Variants in VPS53 observed in about 807,000 individuals in gnomAD.
The protein encoded by VPS53 is VPS53 subunit of GARP complex, also known as vacuolar protein sorting-associated protein 53 homolog.
In VPS53, 70 loss-of-function variants were observed where a neutral mutation model predicts 107.0. The observed-to-expected ratio is 0.65, with a 90% confidence interval of 0.54 to 0.80. VPS53 has a LOEUF of 0.80. Ranked by LOEUF, VPS53 falls within the 30% of genes least tolerant of loss-of-function variation. The pLI is 0.00. For missense variants in VPS53, 917 were observed against 1,049.4 expected (o/e 0.87, Z 1.74); for synonymous variants, 409 against 393.3 (o/e 1.04, Z -0.47).
At chr17:670,955 G>T (rs1971910751) in intron 4 of VPS53, among the ~76,000 whole-genome samples, 4 of 152,164 alleles carry the variant, frequency 2.6e-5, no homozygotes, top group Admixed American at 2.6e-4. Flanking sequence ...GCTGGGCCAG[G>T]TGCAGTGGCT....
At chr17:553,315 G>T in intron 16 of VPS53, 65 bp downstream of exon 16, 3 of 1,482,506 alleles carry the variant, frequency 2.0e-6, no homozygotes, top group Non-Finnish European at 2.8e-6. Context: ...GGGTACATAC[G>T]TGCTGCACGC....
chr17:706,882 T>C (rs1199001747), intron 2 of VPS53, among the ~76,000 whole-genome samples: 1 of 152,178 alleles, frequency 6.6e-6, no homozygotes, highest in Non-Finnish European at 1.5e-5. Flanking sequence ...AGTGATCTAC[T>C]GCGTGAGTCT....
At chr17:697,710 C>T (rs1388983162) in intron 3 of VPS53, among the ~76,000 whole-genome samples, 2 of 151,946 alleles carry the variant, frequency 1.3e-5, no homozygotes, top group Non-Finnish European at 2.9e-5. Context: ...TTAAAAATGC[C>T]TATTTTCACT....
At chr17:526,218 T>C (rs1207017942) in intron 19 of VPS53, among the ~76,000 whole-genome samples, 1 of 151,922 alleles carries the variant, frequency 6.6e-6, no homozygotes, top group African/African-American at 2.4e-5. Flanking sequence ...CATTCATTTG[T>C]TGGTAGGAAA....
Position 508,721 on chromosome 17 carries a change from G to A in VPS53, c.*10407C>T, listed in dbSNP as rs910206325. On this transcript the variant is annotated 3_prime_UTR_variant, in exon 22 of 22. Transcript: ENST00000437048. ...AGCCTCTACCATTGCAAGAAGAGCT[G>A]TTTAAAACAAAACAAAATGGATACT... 1.7e-4 allele frequency: 26 copies of A among 152,214 alleles called. No individual in the cohort carries two copies. Among genetic ancestry groups the A allele is most frequent in the Admixed American group, 5.2e-4 (8 of 15,280 alleles). The allele number at this position is 152,214 out of a possible 1,614,324, so 9.4% of individuals were successfully genotyped here. A position where few individuals can be genotyped will look rare whatever the true frequency, so the allele number is the denominator to read the frequency against.
intron 4 of VPS53, among the ~76,000 whole-genome samples, chr17:694,344 C>T (rs1378644316): frequency 1.3e-5 from 2 of 152,138 alleles, no homozygotes; most frequent in African/African-American, 2.4e-5. Flanking sequence ...TGCAGACTGT[C>T]GAATTCTGGG....
chr17:606,297 C>T (rs145144327), intron 11 of VPS53, among the ~76,000 whole-genome samples: 5 of 152,242 alleles, frequency 3.3e-5, no homozygotes, highest in African/African-American at 1.2e-4. Context: ...GGCAAGGGCA[C>T]AGGCTCCGTA....
intron 4 of VPS53, among the ~76,000 whole-genome samples, chr17:692,711 A>T (rs1407527206): frequency 6.6e-6 from 1 of 152,242 alleles, no homozygotes; most frequent in African/African-American, 2.4e-5. Flanking sequence ...ACAGATATAG[A>T]AGCACACCTA....
chr17:555,119 A>G (rs926583377), intron 15 of VPS53, among the ~76,000 whole-genome samples: 5 of 152,222 alleles, frequency 3.3e-5, no homozygotes, highest in African/African-American at 1.2e-4. Context: ...GCCTCTTCCT[A>G]TGACACCGAA....
intron 4 of VPS53, among the ~76,000 whole-genome samples, chr17:677,373 C>T (rs565855769): frequency 6.6e-6 from 1 of 152,236 alleles, no homozygotes; most frequent in African/African-American, 2.4e-5. Context: ...TAGAATTCCA[C>T]TTATATTAAT....
chr17:558,030 T>C (rs1183390376), intron 15 of VPS53, among the ~76,000 whole-genome samples: 1 of 152,074 alleles, frequency 6.6e-6, no homozygotes, highest in Non-Finnish European at 1.5e-5. Flanking sequence ...CAACTAACTT[T>C]TAAATTTTTT....
rs1567701482 is a variant in VPS53, at chr17:643,280, TGGAAAGTGAGGACAACACTCATACTG to T, written c.608+9985_608+10010del. On this transcript the variant is annotated intron_variant, in intron 7 of 21. Coordinates refer to ENST00000437048, the MANE Select transcript of VPS53 (RefSeq NM_001128159.3). ...GGAAAGTGAGGACAACACTCATACT[TGGAAAGTGAGGACAACACTCATACTG>T]GGAAACCGAGGACAACACTCATACT... Among the ~76,000 whole-genome samples, 67 of 40,674 alleles carry T rather than the reference TGGAAAGTGAGGACAACACTCATACTG, an allele frequency of 1.6e-3. 1 individual carries two copies. Among genetic ancestry groups the T allele is most frequent in the East Asian group, 6.7e-3 (4 of 594 alleles). The allele number at this position is 40,674 out of a possible 152,430, so 26.7% of individuals were successfully genotyped here.
chr17:659,965 G>A (rs1971378127), intron 5 of VPS53, among the ~76,000 whole-genome samples: 1 of 152,144 alleles, frequency 6.6e-6, no homozygotes, highest in African/African-American at 2.4e-5. Context: ...GGCACACCAG[G>A]GGTACTCAGG....
At chr17:636,373 T>G (rs898906195) in intron 7 of VPS53, among the ~76,000 whole-genome samples, 15 of 152,226 alleles carry the variant, frequency 9.9e-5, no homozygotes, top group African/African-American at 3.1e-4. Context: ...CAGGGACAAT[T>G]TGACTTCCTC....
chr17:682,727 T>G (rs544480393), intron 4 of VPS53, among the ~76,000 whole-genome samples: 1 of 152,094 alleles, frequency 6.6e-6, no homozygotes, highest in Non-Finnish European at 1.5e-5. Context: ...AATAAAAAAT[T>G]TTAAGACATA....
intron 12 of VPS53, among the ~76,000 whole-genome samples, chr17:590,697 T>C (rs1383271179): frequency 6.6e-6 from 1 of 150,548 alleles, no homozygotes; most frequent in Non-Finnish European, 1.5e-5. Context: ...TTTGCGTATA[T>C]TGAACCAGCC....
intron 17 of VPS53, among the ~76,000 whole-genome samples, chr17:546,942 T>G (rs1411840911): frequency 6.7e-6 from 1 of 150,280 alleles, no homozygotes; most frequent in Non-Finnish European, 1.5e-5. Flanking sequence ...TGGTGCAATC[T>G]TGGCTCACTG....
At chr17:683,157 A>C (rs1185805988) in intron 4 of VPS53, among the ~76,000 whole-genome samples, 25 of 152,218 alleles carry the variant, frequency 1.6e-4, no homozygotes, top group Admixed American at 1.6e-3. Context: ...CCTGCAGGAC[A>C]GTATTAAATG....
At chr17:658,837 G>A (rs909845857) in intron 5 of VPS53, among the ~76,000 whole-genome samples, 9 of 152,236 alleles carry the variant, frequency 5.9e-5, no homozygotes, top group South Asian at 2.1e-4. Flanking sequence ...ACACTCGGCC[G>A]TGAGTTCGTG....
Sources: gnomAD v4.1 joint callset for allele counts (sites outside exome capture counted in the v4.1 genomes callset) on GRCh38, gnomAD v4.1.1 for gene constraint, MANE v1.5 for transcripts, NCBI Gene and HGNC (gene_info 2026-07-23, HGNC 2026-07-21) for gene names.